GPC5: variants seen among roughly 807,000 people sequenced by gnomAD.
GPC5 encodes glypican 5, also known as glypican-5.
In GPC5, 47 loss-of-function variants were observed where a neutral mutation model predicts 53.9. The observed-to-expected ratio is 0.87, with a 90% CI of 0.69 to 1.11. GPC5 has a LOEUF of 1.11. Ranked by LOEUF, GPC5 falls within the 50% of genes most tolerant of loss-of-function variation. The probability of loss-of-function intolerance (pLI) is 0.00; values close to 1 mark genes in which losing one functional copy is unlikely to be tolerated. For synonymous variants in GPC5, 286 were observed against 263.3 expected (o/e 1.09, Z -0.84); for missense variants, 748 against 713.1 (o/e 1.05, Z -0.56).
rs114308102 is a variant in GPC5, at chr13:91,439,759, G to A, written c.164-9002G>A. 1.6e-3 allele frequency among the ~76,000 whole-genome samples: 238 copies of A among 152,170 alleles called. 1 individual carries two copies. The highest frequency in any genetic ancestry group is 5.5e-3 in the African/African-American group (228 of 41,508). ...CATTGCTCTCCAGGTTATCTTCTAC[G>A]TTCAGTGTATATATCTAACTTGCCC... On this transcript the variant is annotated intron_variant, in intron 1 of 7. Coordinates refer to ENST00000377067, the MANE Select transcript of GPC5 (RefSeq NM_004466.6).
chr13:92,384,821 A>G (rs1156377683), intron 7 of GPC5, among the ~76,000 whole-genome samples: 2 of 152,182 alleles, frequency 1.3e-5, no homozygotes, highest in Non-Finnish European at 2.9e-5. Flanking sequence ...GGAATCATGC[A>G]TTAATGATGT....
At position 92,457,751 on chromosome 13, in the gene GPC5, A is replaced by T. The variant is rs1431257183; in HGVS notation, c.1561+312762A>T. Among the ~76,000 whole-genome samples, 2 of 152,070 alleles carry T rather than the reference A, an allele frequency of 1.3e-5. 1 individual carries two copies. ...ATGTTTTATTTACACACTTTTTAAT[A>T]TTTTTGTAACTCTGCTTGCTCTAAT... On this transcript the variant is annotated intron_variant, in intron 7 of 7. Transcript: ENST00000377067.
chr13:91,578,073 A>G (rs2032205281), intron 2 of GPC5, among the ~76,000 whole-genome samples: 1 of 152,196 alleles, frequency 6.6e-6, no homozygotes, highest in Admixed American at 6.5e-5. Flanking sequence ...CCATGTTGTA[A>G]GGATGCTCAA....
intron 7 of GPC5, among the ~76,000 whole-genome samples, chr13:92,156,665 T>C (rs1216487043): frequency 6.6e-6 from 1 of 152,150 alleles, no homozygotes; most frequent in Non-Finnish European, 1.5e-5. Context: ...AGTCTTTTCA[T>C]TTTATGTAAG....
chr13:91,399,150 A>G lies in GPC5; in HGVS notation c.104A>G (p.Lys35Arg), dbSNP rs751094471. Residue 35 changes from lysine to arginine, a missense_variant, in exon 1 of 8, where the codon AAA becomes AGA. Physicochemically the swap from Lys to Arg is conservative, Grantham distance 26 (BLOSUM62 2). Coordinates refer to ENST00000377067, the MANE Select transcript of GPC5 (RefSeq NM_004466.6). ...GTGCAGACCTGCGAAGAAGTTCGGA[A>G]ACTTTTCCAGTGGCGGCTGCTGGGA... ...EGVQTCEEVR[K>R]LFQWRLLGAV... 3 of 1,613,480 alleles carry G rather than the reference A, an allele frequency of 1.9e-6. No homozygotes were observed. The African/African-American group carries it at 4.0e-5, about 22-fold the overall frequency.
intron 7 of GPC5, among the ~76,000 whole-genome samples, chr13:92,779,768 A>G (rs1256255933): frequency 1.3e-5 from 2 of 152,194 alleles, no homozygotes; most frequent in African/African-American, 4.8e-5. Context: ...TTAATTTATC[A>G]GTTTACTCAG....
intron 6 of GPC5, among the ~76,000 whole-genome samples, chr13:92,130,108 A>G (rs1432886986): frequency 2.0e-5 from 3 of 152,130 alleles, no homozygotes; most frequent in South Asian, 4.1e-4. Context: ...GAAGCTGGAG[A>G]CAATGAAATG....
At chr13:92,241,574 G>A (rs1049896418) in intron 7 of GPC5, 1 of 152,096 alleles carries the variant, frequency 6.6e-6, no homozygotes, top group Non-Finnish European at 1.5e-5. Flanking sequence ...TACCTTAGAT[G>A]GTTTTATTTC....
chr13:91,594,119 A>G (rs1272067300), intron 2 of GPC5, among the ~76,000 whole-genome samples: 1 of 152,190 alleles, frequency 6.6e-6, no homozygotes, highest in African/African-American at 2.4e-5. Context: ...TTTCTCTTGA[A>G]GTTAATGCAG....
intron 1 of GPC5, among the ~76,000 whole-genome samples, chr13:91,438,075 T>A (rs1408874406): frequency 1.3e-5 from 2 of 152,208 alleles, no homozygotes; most frequent in African/African-American, 4.8e-5. Flanking sequence ...CTAATTTTTT[T>A]TCAAGGTTTT....
intron 2 of GPC5, among the ~76,000 whole-genome samples, chr13:91,452,980 T>A (rs999055033): frequency 2.6e-5 from 4 of 151,800 alleles, no homozygotes; most frequent in African/African-American, 9.7e-5. Flanking sequence ...TAAGTCTTTA[T>A]TCTGGAAAAT....
In GPC5 at chr13:92,229,374, A is replaced by G. The variant is rs920969015; in HGVS notation, c.1561+84385A>G. Among the ~76,000 whole-genome samples the G allele has an allele frequency of 4.6e-5, 7 of 152,270 alleles. 1 individual carries two copies. In the South Asian group the frequency reaches 1.4e-3, roughly 32 times the overall value. On this transcript the variant is annotated intron_variant, in intron 7 of 7. Coordinates refer to ENST00000377067, the MANE Select transcript of GPC5 (RefSeq NM_004466.6). ...TAGAAAAGTATACTGATATATTTTT[A>G]ACTGGGTTAATTGAGAGATGGAACA...
At chr13:91,467,710 A>G (rs1444639198) in intron 2 of GPC5, among the ~76,000 whole-genome samples, 6 of 152,154 alleles carry the variant, frequency 3.9e-5, no homozygotes, top group Non-Finnish European at 8.8e-5. Flanking sequence ...CTACATTTAA[A>G]AATTTTATTT....
intron 5 of GPC5, among the ~76,000 whole-genome samples, chr13:91,874,689 A>T (rs2039183269): frequency 6.6e-6 from 1 of 152,332 alleles, no homozygotes; most frequent in East Asian, 1.9e-4. Flanking sequence ...AAATAAGGCA[A>T]CCAAACTACC....
intron 5 of GPC5, among the ~76,000 whole-genome samples, chr13:91,796,703 G>A (rs1476189920): frequency 2.0e-5 from 3 of 152,066 alleles, no homozygotes; most frequent in Non-Finnish European, 2.9e-5. Flanking sequence ...ATTCTTAGTC[G>A]GCCTAGGAAA....
chr13:92,605,900 C>T (rs6492619), intron 7 of GPC5, among the ~76,000 whole-genome samples: 52,779 of 151,534 alleles, frequency 0.35, 9,881 homozygotes, highest in African/African-American at 0.48. Flanking sequence ...TATAAAAGAG[C>T]TAGAAACTCA....
At chr13:91,493,669 C>T (rs923798783) in intron 2 of GPC5, among the ~76,000 whole-genome samples, 2 of 152,170 alleles carry the variant, frequency 1.3e-5, no homozygotes, top group Non-Finnish European at 1.5e-5. Context: ...TGTGCTGTAT[C>T]TCCCTTGTCC....
chr13:92,760,639 C>A (rs1016780471), intron 7 of GPC5, among the ~76,000 whole-genome samples: 3 of 149,154 alleles, frequency 2.0e-5, no homozygotes, highest in Non-Finnish European at 4.5e-5. Flanking sequence ...TATGATTTTT[C>A]TTTCATCTGT....
At chr13:91,811,762 A>G (rs2038315301) in intron 5 of GPC5, among the ~76,000 whole-genome samples, 2 of 152,198 alleles carry the variant, frequency 1.3e-5, no homozygotes, top group South Asian at 2.1e-4. Context: ...ACTATCCACT[A>G]CACTGTGGAC....
Sources: gnomAD v4.1 joint callset for allele counts (sites outside exome capture counted in the v4.1 genomes callset) on GRCh38, gnomAD v4.1.1 for gene constraint, MANE v1.5 for transcripts, NCBI Gene and HGNC (gene_info 2026-07-23, HGNC 2026-07-21) for gene names.